Variants in CERT1 observed in about 807,000 individuals in gnomAD.
The protein encoded by CERT1 is ceramide transporter 1, also known as ceramide transfer protein.
CERT1 carries 31 observed loss-of-function variants against 87.9 expected under a neutral mutation model. The ratio of observed to expected loss-of-function variants is 0.35; its 90% CI spans 0.27 to 0.48. The LOEUF is 0.48. Ranked by LOEUF, CERT1 falls within the 20% of genes least tolerant of loss-of-function variation. The probability of loss-of-function intolerance (pLI) is 0.99; values close to 1 mark genes in which losing one functional copy is unlikely to be tolerated. For synonymous variants in CERT1, 289 were observed against 250.9 expected (o/e 1.15, Z -1.44); for missense variants, 487 against 758.0 (o/e 0.64, Z 4.20).
intron 11 of CERT1, among the ~76,000 whole-genome samples, chr5:75,394,271 G>T (rs1207869600): frequency 6.6e-6 from 1 of 152,150 alleles, no homozygotes; most frequent in East Asian, 1.9e-4. Flanking sequence ...ACTTTGGGAG[G>T]CTGAGGTGGG....
At chr5:75,461,686 C>A (rs1303466109) in intron 2 of CERT1, among the ~76,000 whole-genome samples, 2 of 151,966 alleles carry the variant, frequency 1.3e-5, no homozygotes, top group Non-Finnish European at 2.9e-5. Flanking sequence ...CTGGCAAACA[C>A]CTTCTTATGC....
At chr5:75,385,829 T>C in intron 13 of CERT1, 73 bp downstream of exon 13, 1 of 1,150,668 alleles carries the variant, frequency 8.7e-7, no homozygotes, top group South Asian at 3.1e-5. Flanking sequence ...ATGTAGGAGA[T>C]GCAGAAAACT....
chr5:75,382,660 G>T (rs16872536), intron 14 of CERT1, among the ~76,000 whole-genome samples: 11,834 of 151,008 alleles, frequency 0.078, 553 homozygotes, highest in South Asian at 0.17. Context: ...CTTTAAATGA[G>T]AAAAAAAACC....
At chr5:75,437,625 G>A (rs1348287755) in intron 3 of CERT1, among the ~76,000 whole-genome samples, 1 of 151,922 alleles carries the variant, frequency 6.6e-6, no homozygotes, top group Admixed American at 6.6e-5. Flanking sequence ...AATTAGCTGG[G>A]TGTGGTGGTG....
At chr5:75,380,908 G>GT (rs1761552245) in intron 16 of CERT1, among the ~76,000 whole-genome samples, 164 bp downstream of exon 16, 1 of 151,642 alleles carries the variant, frequency 6.6e-6, no homozygotes, top group Non-Finnish European at 1.5e-5. Context: ...TCAGACATCT[G>GT]TACTTTCAAA....
At position 75,397,384 on chromosome 5, in the gene CERT1, C is replaced by G. The variant is rs143397100; in HGVS notation, c.1188+1926G>C. Among the ~76,000 whole-genome samples, 659 of 152,236 alleles carry G rather than the reference C, an allele frequency of 4.3e-3. 2 individuals carry two copies. The highest frequency in any genetic ancestry group is 5.8e-3 in the Non-Finnish European group (397 of 68,016). ...GTTTTACAAAAGGTTATTAATATTACGAAGAAGTAAGCTGTCAGCAAAATT... is the reference window on the plus strand; with the variant it reads ...GTTTTACAAAAGGTTATTAATATTAGGAAGAAGTAAGCTGTCAGCAAAATT... On this transcript the variant is annotated intron_variant, in intron 11 of 16. Transcript: ENST00000643780.
chr5:75,485,454 A>C (rs1213050444), intron 2 of CERT1, among the ~76,000 whole-genome samples: 1 of 151,888 alleles, frequency 6.6e-6, no homozygotes, highest in Non-Finnish European at 1.5e-5. Flanking sequence ...TAGACAACCT[A>C]ATGATGCATC....
rs962443116 is a variant in CERT1, at chr5:75,381,260, T to C, written c.1618-59A>G. 8 of 1,593,136 alleles carry C rather than the reference T, an allele frequency of 5.0e-6. No homozygotes were observed. In the African/African-American group the frequency reaches 9.4e-5, roughly 19 times the overall value. On this transcript the variant is annotated intron_variant, in intron 15 of 16. Coordinates refer to ENST00000643780, the MANE Select transcript of CERT1 (RefSeq NM_001379029.1). ...CCCAGTATTTTGTAAACTCTGCTGG[T>C]CTAATATTATATTAGGTTAACCAAA...
chr5:75,444,444 T>TA (rs1455633496), intron 3 of CERT1, among the ~76,000 whole-genome samples: 1 of 152,192 alleles, frequency 6.6e-6, no homozygotes, highest in Non-Finnish European at 1.5e-5. Context: ...AGGAAGAACT[T>TA]ACTTATTTTT....
chr5:75,439,236 A>C (rs1330997874), intron 3 of CERT1, among the ~76,000 whole-genome samples: 1 of 151,848 alleles, frequency 6.6e-6, no homozygotes, highest in Non-Finnish European at 1.5e-5. Flanking sequence ...AACCTCTCTT[A>C]AAGTTGCAGC....
In CERT1 at chr5:75,444,815, G is replaced by T. The variant is rs141986280; in HGVS notation, c.348+14250C>A. Among the ~76,000 whole-genome samples the T allele has an allele frequency of 1.1e-3, 163 of 151,974 alleles. 2 individuals are homozygous for T. The highest frequency in any genetic ancestry group is 3.8e-3 in the African/African-American group (156 of 41,460). On this transcript the variant is annotated intron_variant, in intron 3 of 16. Coordinates refer to ENST00000643780, the MANE Select transcript of CERT1 (RefSeq NM_001379029.1). ...CCGCCTCGGCCTCCTAAAGTGCTGG[G>T]ATTACAGGCATGAGCCACTGCACCC...
At chr5:75,404,307 A>C (rs1022290473) in intron 8 of CERT1, among the ~76,000 whole-genome samples, 32 of 151,892 alleles carry the variant, frequency 2.1e-4, no homozygotes, top group Non-Finnish European at 3.4e-4. Flanking sequence ...AAAAAAAAAA[A>C]AAAAAAACAA....
downstream of CERT1, chr5:75,375,568 T>C (rs967977791): frequency 9.5e-5 from 14 of 147,050 alleles, no homozygotes; most frequent in South Asian, 4.3e-4. Context: ...GCGACAGGAG[T>C]GAGATGCTGT....
intron 2 of CERT1, among the ~76,000 whole-genome samples, chr5:75,504,947 C>T (rs535229360): frequency 1.2e-4 from 18 of 152,198 alleles, no homozygotes; most frequent in African/African-American, 4.3e-4. Context: ...TGTCTAATGA[C>T]TACGAGTGCA....
intron 3 of CERT1, among the ~76,000 whole-genome samples, chr5:75,453,354 A>G (rs1276302692): frequency 6.6e-6 from 1 of 152,228 alleles, no homozygotes; most frequent in Non-Finnish European, 1.5e-5. Context: ...AAAGAAGTTT[A>G]ATAAGAATAT....
intron 11 of CERT1, among the ~76,000 whole-genome samples, chr5:75,389,971 A>G (rs532411317): frequency 6.6e-6 from 1 of 152,360 alleles, no homozygotes; most frequent in East Asian, 1.9e-4. Context: ...CATTTTCAGG[A>G]AAAAAGAAAT....
In CERT1 at chr5:75,462,115, T is replaced by C. The variant is rs562417919; in HGVS notation, c.232-2934A>G. On this transcript the variant is annotated intron_variant, in intron 2 of 16. Coordinates refer to ENST00000643780, the MANE Select transcript of CERT1 (RefSeq NM_001379029.1). ...CCTTAAATTTTGTGATTGAGGTAAG[T>C]TCCTCACTGGTCTCATTTTCCTTGT... Among the ~76,000 whole-genome samples the C allele has an allele frequency of 1.1e-4, 17 of 152,328 alleles. 1 individual carries two copies. In the South Asian group the frequency reaches 3.1e-3, roughly 28 times the overall value.
At chr5:75,490,152 C>T (rs962822288) in intron 2 of CERT1, among the ~76,000 whole-genome samples, 2 of 152,124 alleles carry the variant, frequency 1.3e-5, no homozygotes, top group African/African-American at 4.8e-5. Context: ...ACAATGAGAA[C>T]ATATGAGCAC....
chr5:75,384,243 G>A (rs771781327), intron 14 of CERT1, among the ~76,000 whole-genome samples: 13 of 152,156 alleles, frequency 8.5e-5, no homozygotes, highest in Non-Finnish European at 1.8e-4. Context: ...CTTAAACTGT[G>A]TATAAAGAAA....
Sources: allele counts gnomAD v4.1 joint callset (sites outside exome capture counted in the v4.1 genomes callset), GRCh38; gene constraint gnomAD v4.1.1; transcripts MANE v1.5; gene names NCBI Gene and HGNC (gene_info 2026-07-23, HGNC 2026-07-21).